The following ZNF37A variants were observed in gnomAD, a reference collection of about 807,000 sequenced individuals.
ZNF37A encodes the protein zinc finger protein 37a (KOX 21).
In ZNF37A, 10 loss-of-function variants were observed where a neutral mutation model predicts 12.3. The observed-to-expected ratio is 0.82, with a 90% CI of 0.50 to 1.38. The LOEUF (loss-of-function observed/expected upper bound fraction) is 1.38. ZNF37A is among the 40% of genes most tolerant of loss of function. The probability of loss-of-function intolerance (pLI) is 0.00; values close to 1 mark genes in which losing one functional copy is unlikely to be tolerated. For missense variants in ZNF37A, 580 were observed against 651.2 expected (o/e 0.89, Z 1.19); for synonymous variants, 207 against 223.0 (o/e 0.93, Z 0.64).
chr10:38,136,490 G>A (rs1590946187), intron 7 of ZNF37A, among the ~76,000 whole-genome samples: 1 of 152,064 alleles, frequency 6.6e-6, no homozygotes, highest in South Asian at 2.1e-4. Flanking sequence ...ACTAACTTCT[G>A]GCCTCTAAGG....
In ZNF37A at chr10:38,119,206, C is replaced by A; in HGVS notation, c.*369C>A. On this transcript the variant is annotated 3_prime_UTR_variant, in exon 8 of 8. Transcript: ENST00000685332. ...GTTTCACAGAATACCTGAGAAGACA[C>A]ACTTGGAGAAACCTTTTGGGTGTAA... The A allele has an allele frequency of 9.8e-6, 10 of 1,020,898 alleles. No individual in the cohort carries two copies. Among genetic ancestry groups the A allele is most frequent in the Non-Finnish European group, 1.2e-5 (10 of 842,976 alleles). 63.2% of individuals were successfully genotyped at this position (1,020,898 alleles called of 1,614,324 possible).
At chr10:38,146,336 G>C (rs1376469734) in intron 7 of ZNF37A, among the ~76,000 whole-genome samples, 1 of 152,126 alleles carries the variant, frequency 6.6e-6, no homozygotes, top group African/African-American at 2.4e-5. Flanking sequence ...GAGTACAGTG[G>C]CACAATCTCA....
intron 5 of ZNF37A, among the ~76,000 whole-genome samples, chr10:38,110,985 T>A (rs1316827011): frequency 4.6e-5 from 7 of 152,206 alleles, no homozygotes; most frequent in African/African-American, 1.7e-4. Flanking sequence ...TTACTGGGTA[T>A]ATACCCAAAG....
intron 5 of ZNF37A, among the ~76,000 whole-genome samples, chr10:38,111,129 T>C (rs1441856985): frequency 4.6e-5 from 7 of 152,160 alleles, no homozygotes; most frequent in Non-Finnish European, 1.0e-4. Context: ...GTGGCACATA[T>C]ACACCATGGA....
intron 7 of ZNF37A, among the ~76,000 whole-genome samples, chr10:38,134,879 C>T (rs1201935060): frequency 6.6e-6 from 1 of 152,152 alleles, no homozygotes; most frequent in African/African-American, 2.4e-5. Flanking sequence ...GTTCCTGTTG[C>T]TTGTTTTTGA....
rs546546818 is a variant in ZNF37A at position 38,119,326 on chromosome 10, A to G, written c.*489A>G. On this transcript the variant is annotated 3_prime_UTR_variant, in exon 8 of 8. Transcript: ENST00000685332. ...ACCCTATGGGTGTAATGAATGTGGA[A>G]AATCATTCTGTGTGAAGTCAAGAGG... 2.9e-5 allele frequency: 30 copies of G among 1,020,544 alleles called. No homozygotes were observed. The African/African-American group carries it at 5.0e-4, about 17-fold the overall frequency. The allele number at this position is 1,020,544 out of a possible 1,614,324, so 63.2% of individuals were successfully genotyped here. A position where few individuals can be genotyped will look rare whatever the true frequency, so the allele number is the denominator to read the frequency against.
At chr10:38,149,534 C>T (rs1047296733) in exon 8 of ZNF37A, 1 of 149,568 alleles carries the variant, frequency 6.7e-6, no homozygotes, top group African/African-American at 2.5e-5. Context: ...CATTTTGTTC[C>T]ATAACTTTTG....
At chr10:38,129,303 C>CAAAAAAAAAAAAA (rs2069977236), downstream of ZNF37A, among the ~76,000 whole-genome samples, 1 of 40,926 alleles carries the variant, frequency 2.4e-5, no homozygotes, top group Non-Finnish European at 5.4e-5. Context: ...AAGACTCTGT[C>CAAAAAAAAAAAAA]TAAAAAAAAA....
chr10:38,117,063 C>G lies in ZNF37A; in HGVS notation c.239-327C>G, dbSNP rs2069322809. 9.3e-6 allele frequency: 5 copies of G among 537,086 alleles called. No individual in the cohort carries two copies. The South Asian group carries it at 3.9e-4, about 42-fold the overall frequency. 33.3% of individuals were successfully genotyped at this position (537,086 alleles called of 1,614,324 possible). A position where few individuals can be genotyped will look rare whatever the true frequency, so the allele number is the denominator to read the frequency against. ...AGCGGAGATTGCAGTGAGCCGAGAT[C>G]ACGTCACTACACTCCAGCCTGGATG... On this transcript the variant is annotated intron_variant, in intron 7 of 7. Transcript: ENST00000685332.
chr10:38,122,255 A>G lies in ZNF37A; in HGVS notation c.*3418A>G, dbSNP rs556243024. ...CCCATCTCAGGAAAAAAGAAAAAAAAAAAGATGTCATTCAGCAGGTTAATG... is the reference window on the plus strand; with the variant it reads ...CCCATCTCAGGAAAAAAGAAAAAAAGAAAGATGTCATTCAGCAGGTTAATG... On this transcript the variant is annotated 3_prime_UTR_variant, in exon 8 of 8. Transcript: ENST00000685332. The G allele has an allele frequency of 6.6e-6, 1 of 152,308 alleles. No individual in the cohort carries two copies. The highest frequency in any genetic ancestry group is 1.5e-5 in the Non-Finnish European group (1 of 68,062). 9.4% of individuals were successfully genotyped at this position (152,308 alleles called of 1,614,324 possible). A position where few individuals can be genotyped will look rare whatever the true frequency, so the allele number is the denominator to read the frequency against.
At chr10:38,100,185 A>G (rs907977496) in intron 5 of ZNF37A, among the ~76,000 whole-genome samples, 1 of 152,218 alleles carries the variant, frequency 6.6e-6, no homozygotes, top group African/African-American at 2.4e-5. Context: ...GTACTTTACA[A>G]GGTAATAGAA....
chr10:38,105,259 C>T (rs71491237), intron 5 of ZNF37A, among the ~76,000 whole-genome samples: 4,238 of 152,200 alleles, frequency 0.028, 120 homozygotes, highest in African/African-American at 0.076. Flanking sequence ...CCCACCTTGG[C>T]CTAACAAAGT....
At chr10:38,143,319 A>C (rs1421980569) in intron 7 of ZNF37A, 1 of 152,088 alleles carries the variant, frequency 6.6e-6, no homozygotes, top group Non-Finnish European at 1.5e-5. Flanking sequence ...CTGGAAAGAT[A>C]TGGTAATAAT....
Position 38,117,815 on chromosome 10 carries a change from T to C in ZNF37A, c.664T>C (p.Tyr222His). Residue 222 changes from tyrosine (Y) to histidine (H), a missense_variant, in exon 8 of 8, where the codon TAC (tyrosine) becomes CAC (histidine). Transcript: ENST00000685332. ...CATTCTCCTTGAACATCAGAGTGTT[T>C]ACCCATTCAGCCAGAAGTTAAATCT... Reference protein sequence around the residue: ...ESILLEHQSVYPFSQKLNLTP... With the variant: ...ESILLEHQSVHPFSQKLNLTP... 2 of 1,614,036 alleles carry C rather than the reference T, an allele frequency of 1.2e-6. No individual in the cohort carries two copies. The highest frequency in any genetic ancestry group is 1.7e-6 in the Non-Finnish European group (2 of 1,179,988).
chr10:38,109,289 C>G (rs918943091), intron 5 of ZNF37A, among the ~76,000 whole-genome samples: 2 of 152,084 alleles, frequency 1.3e-5, no homozygotes, highest in Non-Finnish European at 2.9e-5. Context: ...ATTCAACACC[C>G]CTTCATGCTT....
chr10:38,099,043 T>G (rs1199042920), intron 5 of ZNF37A, among the ~76,000 whole-genome samples: 1 of 152,182 alleles, frequency 6.6e-6, no homozygotes, highest in Non-Finnish European at 1.5e-5. Context: ...AATTTGGGTG[T>G]GTGTATTTAT....
At chr10:38,107,215 A>G (rs1370773569) in intron 5 of ZNF37A, among the ~76,000 whole-genome samples, 3 of 152,220 alleles carry the variant, frequency 2.0e-5, no homozygotes, top group Non-Finnish European at 4.4e-5. Flanking sequence ...TTCTTAAAGA[A>G]AAGAATTTTC....
At chr10:38,140,558 G>A (rs1164668215) in intron 7 of ZNF37A, 2 of 152,206 alleles carry the variant, frequency 1.3e-5, no homozygotes, top group East Asian at 3.8e-4. Flanking sequence ...TAGACTCACA[G>A]AGAGATGGTA....
At chr10:38,142,598 T>C (rs1302844548) in intron 7 of ZNF37A, 1 of 152,184 alleles carries the variant, frequency 6.6e-6, no homozygotes, top group Non-Finnish European at 1.5e-5. Flanking sequence ...ATGTATAACA[T>C]GATTGGTCAG....
Sources: allele counts gnomAD v4.1 joint callset (sites outside exome capture counted in the v4.1 genomes callset), GRCh38; gene constraint gnomAD v4.1.1; transcripts MANE v1.5; gene names NCBI Gene and HGNC (gene_info 2026-07-23, HGNC 2026-07-21).